Variants in FGF14 observed in about 807,000 individuals in gnomAD.
FGF14 encodes fibroblast growth factor homologous factor 4.
A neutral mutation model predicts 25.5 loss-of-function variants in FGF14; 5 were observed. The observed-to-expected ratio is 0.20, with a 90% CI of 0.10 to 0.41. FGF14 has a LOEUF of 0.41. Ranked by LOEUF, FGF14 falls within the 10% of genes least tolerant of loss-of-function variation. The pLI, the probability that FGF14 is intolerant of heterozygous loss-of-function variation, is 1.00. For missense variants in FGF14, 222 were observed against 320.1 expected (o/e 0.69, Z 2.34); for synonymous variants, 138 against 118.3 (o/e 1.17, Z -1.08).
At chr13:102,282,238 G>C (rs1324544004) in intron 1 of FGF14, among the ~76,000 whole-genome samples, 1 of 151,902 alleles carries the variant, frequency 6.6e-6, no homozygotes, top group Non-Finnish European at 1.5e-5. Context: ...AGCTAATTTT[G>C]TATTTTTAGT....
intron 1 of FGF14, among the ~76,000 whole-genome samples, chr13:102,272,340 C>A (rs889010053): frequency 2.0e-5 from 3 of 152,172 alleles, no homozygotes; most frequent in African/African-American, 7.2e-5. Context: ...TATGTTACTT[C>A]ATGCATTTCT....
chr13:102,356,575 A>G (rs1425102356), intron 1 of FGF14, among the ~76,000 whole-genome samples: 1 of 152,172 alleles, frequency 6.6e-6, no homozygotes, highest in Non-Finnish European at 1.5e-5. Flanking sequence ...AAAATTTGCT[A>G]AAGATCTGAT....
intron 1 of FGF14, among the ~76,000 whole-genome samples, chr13:101,913,587 T>C (rs1185671588): frequency 6.6e-6 from 1 of 152,212 alleles, no homozygotes; most frequent in African/African-American, 2.4e-5. Context: ...TTTTCAAGCA[T>C]ATCACACTAT....
intron 1 of FGF14, among the ~76,000 whole-genome samples, chr13:101,877,301 T>C (rs1182772271): frequency 5.3e-5 from 8 of 152,184 alleles, no homozygotes; most frequent in Non-Finnish European, 1.2e-4. Context: ...TCTGGTTACA[T>C]ATTGTTTGAC....
intron 1 of FGF14, among the ~76,000 whole-genome samples, chr13:102,076,020 TA>T (rs2043346892): frequency 6.6e-6 from 1 of 152,154 alleles, no homozygotes; most frequent in Non-Finnish European, 1.5e-5. Context: ...GTCAAAAATT[TA>T]AAAATAACAA....
At chr13:101,755,617 T>G (rs2037595832) in intron 3 of FGF14, among the ~76,000 whole-genome samples, 1 of 152,196 alleles carries the variant, frequency 6.6e-6, no homozygotes, top group Admixed American at 6.5e-5. Context: ...GGAGAGAGAA[T>G]TGAAGAAACT....
chr13:102,225,989 T>G, intron 1 of FGF14, among the ~76,000 whole-genome samples: 1 of 152,230 alleles, frequency 6.6e-6, no homozygotes, highest in East Asian at 1.9e-4. Context: ...TTTTTACCTG[T>G]CCACTTAAAG....
chr13:101,879,617 C>G (rs1053954203), intron 1 of FGF14, among the ~76,000 whole-genome samples: 3 of 152,136 alleles, frequency 2.0e-5, no homozygotes, highest in African/African-American at 4.8e-5. Flanking sequence ...AAAATGTACA[C>G]TATGACATAT....
chr13:102,289,176 G>A, intron 1 of FGF14, among the ~76,000 whole-genome samples: 1 of 152,080 alleles, frequency 6.6e-6, no homozygotes, highest in Non-Finnish European at 1.5e-5. Context: ...GGTCTCTTGT[G>A]AGCCCTGTAA....
intron 1 of FGF14, among the ~76,000 whole-genome samples, chr13:101,937,572 A>G (rs764958239): frequency 6.6e-6 from 1 of 151,758 alleles, no homozygotes; most frequent in Non-Finnish European, 1.5e-5. Context: ...GATCTATGAG[A>G]AAATTCATTG....
At chr13:101,789,572 C>G (rs1431605446) in intron 3 of FGF14, among the ~76,000 whole-genome samples, 1 of 152,150 alleles carries the variant, frequency 6.6e-6, no homozygotes, top group Non-Finnish European at 1.5e-5. Context: ...AAATTCTTCT[C>G]TAATCATTTG....
chr13:102,332,093 C>T (rs1373837665), intron 1 of FGF14, among the ~76,000 whole-genome samples: 1 of 151,962 alleles, frequency 6.6e-6, no homozygotes, highest in Non-Finnish European at 1.5e-5. Flanking sequence ...CCTTTTTCTC[C>T]TCTTTGTACT....
At chr13:101,814,277 T>C (rs2041721989) in intron 3 of FGF14, among the ~76,000 whole-genome samples, 1 of 152,020 alleles carries the variant, frequency 6.6e-6, no homozygotes, top group South Asian at 2.1e-4. Flanking sequence ...AGAAACCTTG[T>C]CCAAAGAACA....
chr13:101,815,805 AAAGTC>A (rs144861594), intron 3 of FGF14, among the ~76,000 whole-genome samples: 74 of 152,246 alleles, frequency 4.9e-4, no homozygotes, highest in African/African-American at 1.7e-3. Flanking sequence ...TGATTAGGCA[AAAGTC>A]AAGAATGATA....
Position 101,974,379 on chromosome 13 carries a change from C to T in FGF14, c.209-99083G>A, listed in dbSNP as rs1446831752. 2.6e-5 allele frequency among the ~76,000 whole-genome samples: 4 copies of T among 152,226 alleles called. No homozygotes were observed. The South Asian group carries it at 8.3e-4, about 32-fold the overall frequency. On this transcript the variant is annotated intron_variant, in intron 1 of 4. Transcript: ENST00000376131. ...GTGGCAGACCTGGGACTCCCCAGGA[C>T]CATAACTATGCAGCAAGCCTCTCAT...
intron 1 of FGF14, among the ~76,000 whole-genome samples, chr13:101,973,394 T>A (rs1444499029): frequency 6.6e-6 from 1 of 152,176 alleles, no homozygotes; most frequent in African/African-American, 2.4e-5. Context: ...TTTGTTACAG[T>A]AATTATTTTA....
At position 101,719,628 on chromosome 13, in the gene FGF14, T is replaced by C. The variant is rs1278349338; in HGVS notation, c.*3203A>G. On this transcript the variant is annotated 3_prime_UTR_variant, in exon 5 of 5. Coordinates refer to ENST00000376143, the MANE Select transcript of FGF14 (RefSeq NM_004115.4). The stretch of plus-strand genomic sequence containing the variant: ...ATACCAAAACAACATTTCTGAGCGT[T>C]GTTGAGGGACTGGCAAAGCAATCAG... 6.6e-6 allele frequency: 1 copy of C among 152,092 alleles called. No individual in the cohort carries two copies. Among genetic ancestry groups the C allele is most frequent in the Non-Finnish European group, 1.5e-5 (1 of 67,988 alleles). 9.4% of individuals were successfully genotyped at this position (152,092 alleles called of 1,614,324 possible). A position where few individuals can be genotyped will look rare whatever the true frequency, so the allele number is the denominator to read the frequency against.
chr13:101,786,756 A>T (rs181860398), intron 3 of FGF14, among the ~76,000 whole-genome samples: 1 of 152,358 alleles, frequency 6.6e-6, no homozygotes, highest in Admixed American at 6.5e-5. Context: ...GGAAGGAGGC[A>T]GAATTCAACC....
rs56096210 is a variant in FGF14, at chr13:101,907,886, C to A, written c.193+8567G>T. 8.1e-3 allele frequency among the ~76,000 whole-genome samples: 1,230 copies of A among 152,052 alleles called. 17 individuals are homozygous for A. The highest frequency in any genetic ancestry group is 0.028 in the African/African-American group (1,178 of 41,490). On this transcript the variant is annotated intron_variant, in intron 1 of 4. Transcript: ENST00000376143. ...GGTCTAATGCTAAATTTGATGAGGT[C>A]TTGAACTTAGATTACAGCACTAGGA...
Sources: gnomAD v4.1 joint callset for allele counts (sites outside exome capture counted in the v4.1 genomes callset) on GRCh38, gnomAD v4.1.1 for gene constraint, MANE v1.5 for transcripts, NCBI Gene and HGNC (gene_info 2026-07-23, HGNC 2026-07-21) for gene names.